MAX: variants seen among roughly 807,000 people sequenced by gnomAD.
MAX encodes the protein MYC associated transcriptional regulator X, also known as protein max.
A neutral mutation model predicts 22.3 loss-of-function variants in MAX; 3 were observed. The observed-to-expected ratio is 0.13, with a 90% CI of 0.06 to 0.35. MAX has a LOEUF of 0.35. Among genes scored for constraint, MAX ranks in the 10% least tolerant of loss-of-function variants. MAX has a pLI of 1.00. For missense variants in MAX, 119 were observed against 209.4 expected (o/e 0.57, Z 2.66); for synonymous variants, 72 against 77.7 (o/e 0.93, Z 0.39).
rs2062008010 is a variant in MAX at position 65,027,638 on chromosome 14, T to A, written c.172-21354A>T. 6.2e-7 allele frequency: 1 copy of A among 1,613,836 alleles called. No homozygotes were observed. Among genetic ancestry groups the A allele is most frequent in the South Asian group, 1.1e-5 (1 of 91,060 alleles). ...CAGCAGTGACAGAAACCTAGAGGAG[T>A]TCCCCGCCTGCTGACACGCACTGAC... On this transcript the variant is annotated intron_variant, in intron 3 of 3. Coordinates refer to the MAX transcript ENST00000341653. The surrounding 1 kb of genome is among the most constrained non-coding windows in gnomAD (Gnocchi z 5.7).
At position 65,076,599 on chromosome 14, in the gene MAX, G is replaced by A. The variant is rs1555340209; in HGVS notation, c.360C>T (p.Asn120=). ...TGCCCTTGGCGTTGGTGTAGAGGCTGTTGTCTGAGGAGGGGTAGTTGGTCT... is the reference window on the plus strand; with the variant it reads ...TGCCCTTGGCGTTGGTGTAGAGGCTATTGTCTGAGGAGGGGTAGTTGGTCT... ...QLQTNYPSSD[N]SLYTNAKGST... The change falls in exon 5 of 5, where the codon AAC becomes AAT. Residue 120 remains asparagine, a synonymous_variant. Transcript: ENST00000358664. The surrounding 1 kb of genome is among the most constrained non-coding windows in gnomAD (Gnocchi z 6.6). The A allele has an allele frequency of 1.9e-6, 3 of 1,614,148 alleles. No individual in the cohort carries two copies. The highest frequency in any genetic ancestry group is 2.5e-6 in the Non-Finnish European group (3 of 1,180,030).
chr14:65,011,824 T>C lies in MAX; in HGVS notation c.172-5540A>G, dbSNP rs555889502. Among the ~76,000 whole-genome samples, 1 of 152,280 alleles carries C rather than the reference T, an allele frequency of 6.6e-6. No individual in the cohort carries two copies. The highest frequency in any genetic ancestry group is 1.9e-4 in the East Asian group (1 of 5,186). Reference sequence around the variant, plus strand: ...TGGAATTTCAGGGAGAGAATAATAGTTGGATAACCGAGAGGCAGGCAGGGA... The same window carrying C: ...TGGAATTTCAGGGAGAGAATAATAGCTGGATAACCGAGAGGCAGGCAGGGA... On this transcript the variant is annotated intron_variant, in intron 3 of 3. Transcript: ENST00000341653. The surrounding 1 kb of genome is among the most constrained non-coding windows in gnomAD (Gnocchi z 4.0).
In MAX at chr14:65,012,487, G is replaced by GCAGA. The variant is rs1428781198; in HGVS notation, c.172-6207_172-6204dup. 2 of 1,486,052 alleles carry GCAGA rather than the reference G, an allele frequency of 1.3e-6. No individual in the cohort carries two copies. The highest frequency in any genetic ancestry group is 2.8e-5 in the African/African-American group (2 of 71,898). 92.1% of individuals were successfully genotyped at this position (1,486,052 alleles called of 1,614,324 possible). On this transcript the variant is annotated intron_variant, in intron 3 of 3. Transcript: ENST00000341653. The surrounding 1 kb of genome is among the most constrained non-coding windows in gnomAD (Gnocchi z 5.0). ...AAAAGACTGTTGGGGCTGACCTGTT[G>GCAGA]CAGAGTCACTCTTTGTTCTCTGTGG... is the stretch of plus-strand genomic sequence containing the variant.
intron 3 of MAX, chr14:65,022,127 GA>G: frequency 2.2e-6 from 1 of 454,296 alleles, no homozygotes; most frequent in South Asian, 1.6e-5. Context: ...TAGGGAAGGA[GA>G]TTTCCTCTTC....
chr14:65,072,395 A>G (rs1452263529), downstream of MAX, among the ~76,000 whole-genome samples: 1 of 152,192 alleles, frequency 6.6e-6, no homozygotes, highest in Non-Finnish European at 1.5e-5. Flanking sequence ...ACGTAGACTC[A>G]TCAAGGCAGC....
chr14:65,051,895 C>T (rs143210184), intron 3 of MAX, among the ~76,000 whole-genome samples: 1,694 of 151,216 alleles, frequency 0.011, 13 homozygotes, highest in Non-Finnish European at 0.016. Flanking sequence ...CCTGGGTTCA[C>T]GCCATTCTCC....
chr14:65,045,633 C>G (rs1418984976), intron 3 of MAX, among the ~76,000 whole-genome samples: 1 of 152,186 alleles, frequency 6.6e-6, no homozygotes, highest in Non-Finnish European at 1.5e-5. Context: ...ACAGGCTGTT[C>G]TTGAACTCCT....
intron 1 of MAX, 120 bp downstream of exon 1, chr14:65,102,184 G>A: frequency 4.5e-6 from 7 of 1,538,900 alleles, no homozygotes; most frequent in Non-Finnish European, 6.2e-6. Context: ...TCCTGGCCCC[G>A]AGGGGAAGGG....
At chr14:65,046,457 CAA>C (rs1172877951) in intron 3 of MAX, among the ~76,000 whole-genome samples, 2 of 152,202 alleles carry the variant, frequency 1.3e-5, no homozygotes, top group Non-Finnish European at 2.9e-5. Context: ...CACCACCTGT[CAA>C]AGTCTTCCAG....
rs748107572 is a variant in MAX at position 65,084,204 on chromosome 14, G to A, written c.172-6168C>T. On this transcript the variant is annotated intron_variant, in intron 3 of 4. Transcript: ENST00000358664. The surrounding 1 kb of genome is among the most constrained non-coding windows in gnomAD (Gnocchi z 4.3). Reference sequence around the variant, plus strand: ...TTTAAATCTTGCATTCTTTTTTCTTGTGCACTTGGTAGCTTGAAATGAAGG... The same window carrying A: ...TTTAAATCTTGCATTCTTTTTTCTTATGCACTTGGTAGCTTGAAATGAAGG... The A allele has an allele frequency of 3.1e-6, 5 of 1,613,810 alleles. No individual in the cohort carries two copies. The highest frequency in any genetic ancestry group is 4.2e-6 in the Non-Finnish European group (5 of 1,179,928).
chr14:65,089,585 G>A (rs1489202425), intron 3 of MAX, among the ~76,000 whole-genome samples: 1 of 151,684 alleles, frequency 6.6e-6, no homozygotes, highest in Non-Finnish European at 1.5e-5. Flanking sequence ...CTCAGGTACT[G>A]GGGCTTATGA....
At position 65,012,179 on chromosome 14, in the gene MAX, T is replaced by G; in HGVS notation, c.172-5895A>C. ...TAGTTGCTCTTTGGAACCAGAGAAGTTGCTGGTTATCCAGTCAGTGATTGC... is the reference window on the plus strand; with the variant it reads ...TAGTTGCTCTTTGGAACCAGAGAAGGTGCTGGTTATCCAGTCAGTGATTGC... On this transcript the variant is annotated intron_variant, in intron 3 of 3. Transcript: ENST00000341653. The surrounding 1 kb of genome is among the most constrained non-coding windows in gnomAD (Gnocchi z 5.0). 1.0e-6 allele frequency: 1 copy of G among 985,708 alleles called. No homozygotes were observed. Among genetic ancestry groups the G allele is most frequent in the Non-Finnish European group, 1.5e-6 (1 of 658,890 alleles). The allele number at this position is 985,708 out of a possible 1,614,324, so 61.1% of individuals were successfully genotyped here. A position where few individuals can be genotyped will look rare whatever the true frequency, so the allele number is the denominator to read the frequency against.
At chr14:65,052,084 C>T (rs564572134) in intron 3 of MAX, among the ~76,000 whole-genome samples, 3 of 152,068 alleles carry the variant, frequency 2.0e-5, no homozygotes, top group Non-Finnish European at 2.9e-5. Context: ...CATAAGCCAT[C>T]GTGCCTGGCC....
chr14:65,027,297 T>G lies in MAX; in HGVS notation c.172-21013A>C. ...ATAGCTGGAGAGAGAATTAAGCCCT[T>G]TGGGGAGAGGTTATATTCAACAAGT... On this transcript the variant is annotated intron_variant, in intron 3 of 3. Coordinates refer to the MAX transcript ENST00000341653. The surrounding 1 kb of genome is among the most constrained non-coding windows in gnomAD (Gnocchi z 5.7). The G allele has an allele frequency of 1.7e-6, 2 of 1,160,352 alleles. No homozygotes were observed. Among genetic ancestry groups the G allele is most frequent in the Non-Finnish European group, 2.4e-6 (2 of 825,204 alleles). The allele number at this position is 1,160,352 out of a possible 1,614,324, so 71.9% of individuals were successfully genotyped here.
intron 3 of MAX, chr14:65,022,241 A>G (rs1038258784): frequency 3.3e-5 from 11 of 338,300 alleles, no homozygotes; most frequent in East Asian, 7.7e-5. Flanking sequence ...CGTTCTGCCC[A>G]TGGATGACTG....
Position 65,027,032 on chromosome 14 carries a change from C to T in MAX, c.172-20748G>A, listed in dbSNP as rs1307774045. Among the ~76,000 whole-genome samples the T allele has an allele frequency of 6.6e-6, 1 of 152,032 alleles. No homozygotes were observed. On this transcript the variant is annotated intron_variant, in intron 3 of 3. Coordinates refer to the MAX transcript ENST00000341653. This position sits in a 1 kb window ranked among gnomAD's most constrained non-coding sequence, Gnocchi z 5.7. ...GTTAGTGTGGAAAGAAGCAGTTGAG[C>T]ACCATGTTTTGGCAAAATTCAAAGG... is the stretch of plus-strand genomic sequence containing the variant.
intron 3 of MAX, among the ~76,000 whole-genome samples, chr14:65,025,544 A>G (rs1256778712): frequency 1.3e-5 from 2 of 152,186 alleles, no homozygotes; most frequent in Non-Finnish European, 1.5e-5. Flanking sequence ...GCTGGGCATG[A>G]TGGCTCACAC....
intron 3 of MAX, among the ~76,000 whole-genome samples, chr14:65,022,544 A>T (rs1431304761): frequency 6.6e-6 from 1 of 151,994 alleles, no homozygotes; most frequent in African/African-American, 2.4e-5. Flanking sequence ...ATATTATTTT[A>T]AAAATAGAGA....
intron 3 of MAX, among the ~76,000 whole-genome samples, chr14:65,008,294 G>T (rs2061627405): frequency 6.6e-6 from 1 of 152,180 alleles, no homozygotes; most frequent in South Asian, 2.1e-4. Context: ...CCAGGTTTGG[G>T]GGGAGGAAGT....
Sources: allele counts gnomAD v4.1 joint callset (sites outside exome capture counted in the v4.1 genomes callset), GRCh38; gene constraint gnomAD v4.1.1; non-coding constraint Gnocchi (gnomAD v3.1); transcripts MANE v1.5; gene names NCBI Gene and HGNC (gene_info 2026-07-23, HGNC 2026-07-21).